Variants in DHX57 observed in about 807,000 individuals in gnomAD.
DHX57 encodes the protein DExH-box helicase 57.
A neutral mutation model predicts 156.2 loss-of-function variants in DHX57; 105 were observed. The ratio of observed to expected loss-of-function variants is 0.67; its 90% CI spans 0.57 to 0.79. The LOEUF is 0.79. DHX57 is among the 30% of genes least tolerant of loss of function. The pLI is 0.00. For synonymous variants in DHX57, 704 were observed against 595.6 expected, an observed-to-expected ratio of 1.18 and a Z score of -2.65; for missense variants, 1,847 against 1,661.9, an observed-to-expected ratio of 1.11 and a Z score of -1.94.
rs768279274 is a variant in DHX57, at chr2:38,856,369, G to A, written c.1680C>T (p.His560=). The A allele has an allele frequency of 5.6e-6, 9 of 1,612,972 alleles. No homozygotes were observed. Among genetic ancestry groups the A allele is most frequent in the Non-Finnish European group, 7.6e-6 (9 of 1,179,778 alleles). Residue 560 remains histidine (H), a synonymous_variant, in exon 7 of 24, where the codon CAC becomes CAT. Coordinates refer to ENST00000457308, the MANE Select transcript of DHX57 (RefSeq NM_198963.3). ...RETILNLLRK[H]QVVVISGMTG... The stretch of plus-strand genomic sequence containing the variant: ...TCATACCACTTATGACAACCACCTG[G>A]TGCTTACGCAATAAGTTAAGAATGG...
At chr2:38,849,537 C>T (rs1222032991) in intron 9 of DHX57, among the ~76,000 whole-genome samples, 4 of 85,714 alleles carry the variant, frequency 4.7e-5, no homozygotes, top group Non-Finnish European at 7.8e-5. Flanking sequence ...TATAGCAAGA[C>T]CCCATCTCTT....
At chr2:38,809,474 T>C (rs1467030686) in intron 21 of DHX57, among the ~76,000 whole-genome samples, 1 of 151,580 alleles carries the variant, frequency 6.6e-6, no homozygotes, top group Non-Finnish European at 1.5e-5. Flanking sequence ...TTTTTCTTTT[T>C]TTTTTTAGAC....
In DHX57 at chr2:38,851,213, A is replaced by G. The variant is rs181727721; in HGVS notation, c.2031-2811T>C. Among the ~76,000 whole-genome samples the G allele has an allele frequency of 3.0e-4, 45 of 152,252 alleles. No individual in the cohort carries two copies. In the East Asian group the frequency reaches 7.5e-3, roughly 25 times the overall value. ...ATATCCCTCTTCTAACTCCCAATAT[A>G]CTCCCAGAAGAAAAGAGACTAAAAT... is the stretch of plus-strand genomic sequence containing the variant. On this transcript the variant is annotated intron_variant, in intron 9 of 23. Coordinates refer to ENST00000457308, the MANE Select transcript of DHX57 (RefSeq NM_198963.3).
chr2:38,818,470 G>C (rs1670653987), intron 19 of DHX57, among the ~76,000 whole-genome samples: 1 of 152,192 alleles, frequency 6.6e-6, no homozygotes, highest in Non-Finnish European at 1.5e-5. Context: ...GAGGATGCAA[G>C]TGAGCCGAGA....
rs770222286 is a variant in DHX57, at chr2:38,861,603, G to T, written c.807C>A (p.Asn269Lys). Residue 269 changes from asparagine (N) to lysine (K), a missense_variant, in exon 5 of 24, where the codon AAC (asparagine) becomes AAA (lysine). Physicochemically the swap from Asn to Lys is moderately conservative, Grantham distance 94 (BLOSUM62 0). Coordinates refer to ENST00000457308, the MANE Select transcript of DHX57 (RefSeq NM_198963.3). ...CGEKFIERIQ[N>K]RVWTIGLELE... The stretch of plus-strand genomic sequence containing the variant: ...GTTCTAACCCAATGGTCCAGACTCT[G>T]TTCTGAATTCTTTCTATAAATTTTT... 2 of 1,614,190 alleles carry T rather than the reference G, an allele frequency of 1.2e-6. No individual in the cohort carries two copies. Among genetic ancestry groups the T allele is most frequent in the South Asian group, 1.1e-5 (1 of 91,078 alleles).
At position 38,856,218 on chromosome 2, in the gene DHX57, G is replaced by A. The variant is rs1049917526; in HGVS notation, c.1709+122C>T. On this transcript the variant is annotated intron_variant, in intron 7 of 23. Transcript: ENST00000457308. ...GGATTTTTTTGCCTTATGTCTCAAGGCAGATGTATATAATATCTATAAATC... is the reference window on the plus strand; with the variant it reads ...GGATTTTTTTGCCTTATGTCTCAAGACAGATGTATATAATATCTATAAATC... 6.5e-6 allele frequency: 9 copies of A among 1,375,272 alleles called. No homozygotes were observed. The African/African-American group carries it at 1.2e-4, about 18-fold the overall frequency. The allele number at this position is 1,375,272 out of a possible 1,614,324, so 85.2% of individuals were successfully genotyped here. A position where few individuals can be genotyped will look rare whatever the true frequency, so the allele number is the denominator to read the frequency against.
intron 16 of DHX57, among the ~76,000 whole-genome samples, chr2:38,824,931 G>A (rs1374403282): frequency 6.6e-6 from 1 of 152,184 alleles, no homozygotes; most frequent in East Asian, 1.9e-4. Flanking sequence ...TTACAGGCAT[G>A]AGCCACCACA....
intron 20 of DHX57, 86 bp downstream of exon 20, chr2:38,815,432 TGAA>T (rs1670488381): frequency 1.3e-6 from 2 of 1,540,650 alleles, no homozygotes; most frequent in South Asian, 2.3e-5. Flanking sequence ...AAGGCTTAAG[TGAA>T]GAAGAATGTC....
intron 13 of DHX57, among the ~76,000 whole-genome samples, chr2:38,830,855 A>T (rs1441558785): frequency 6.6e-6 from 1 of 152,118 alleles, no homozygotes; most frequent in African/African-American, 2.4e-5. Context: ...GCACTTTGAG[A>T]GGCTGAAGTG....
chr2:38,828,475 G>T, intron 13 of DHX57, 39 bp from the exon 14 acceptor site: 3 of 1,444,504 alleles, frequency 2.1e-6, no homozygotes, highest in South Asian at 1.3e-5. Context: ...GGTAAGCATA[G>T]GCACAGAAAA....
chr2:38,853,217 C>G (rs1572693305), intron 9 of DHX57: 1 of 86,272 alleles, frequency 1.2e-5, no homozygotes, highest in East Asian at 4.0e-4. Flanking sequence ...GGCATCACGC[C>G]TGGCTAATTT....
At chr2:38,818,821 C>T in intron 19 of DHX57, 56 bp downstream of exon 19, 1 of 1,581,662 alleles carries the variant, frequency 6.3e-7, no homozygotes, top group Non-Finnish European at 8.7e-7. Flanking sequence ...GTCGCAGCAC[C>T]CTCTGGTGAG....
chr2:38,866,454 T>C (rs551580379), intron 2 of DHX57, among the ~76,000 whole-genome samples: 95 of 152,240 alleles, frequency 6.2e-4, no homozygotes, highest in Non-Finnish European at 1.1e-3. Flanking sequence ...TGATACCTTA[T>C]TAGGGGGGCT....
intron 11 of DHX57, among the ~76,000 whole-genome samples, chr2:38,844,337 A>C (rs62142681): frequency 0.13 from 4,268 of 32,360 alleles, 675 homozygotes; most frequent in South Asian, 0.55. Context: ...ACTTCTAATA[A>C]AGAAATGATT....
At chr2:38,849,377 G>A (rs1330580205) in intron 9 of DHX57, among the ~76,000 whole-genome samples, 2 of 152,122 alleles carry the variant, frequency 1.3e-5, no homozygotes, top group African/African-American at 2.4e-5. Flanking sequence ...CTTGCAATCT[G>A]TTCTCAATAC....
chr2:38,798,094 T>G lies in DHX57; in HGVS notation c.*205A>C, dbSNP rs1669474685. On this transcript the variant is annotated 3_prime_UTR_variant, in exon 24 of 24. Coordinates refer to ENST00000457308, the MANE Select transcript of DHX57 (RefSeq NM_198963.3). ...GGTTTTAGGCTCTCACCCTTGACAC[T>G]CCAAATTGTGCTGGGAGTGGCCAAG... 1 of 507,166 alleles carries G rather than the reference T, an allele frequency of 2.0e-6. No homozygotes were observed. Among genetic ancestry groups the G allele is most frequent in the African/African-American group, 1.9e-5 (1 of 51,932 alleles). The allele number at this position is 507,166 out of a possible 1,614,324, so 31.4% of individuals were successfully genotyped here.
Position 38,875,924 on chromosome 2 carries a change from C to T in DHX57, c.-144G>A. On this transcript the variant is annotated 5_prime_UTR_variant, in exon 1 of 24. Coordinates refer to ENST00000457308, the MANE Select transcript of DHX57 (RefSeq NM_198963.3). The stretch of plus-strand genomic sequence containing the variant: ...TGGCCCAGCTGCAGCGGCACAGTCC[C>T]GGCGCCTTCTGATTGGCTCAGCTAC... 1 of 397,142 alleles carries T rather than the reference C, an allele frequency of 2.5e-6. No homozygotes were observed. The highest frequency in any genetic ancestry group is 4.4e-6 in the Non-Finnish European group (1 of 225,676). 24.6% of individuals were successfully genotyped at this position (397,142 alleles called of 1,614,324 possible). A position where few individuals can be genotyped will look rare whatever the true frequency, so the allele number is the denominator to read the frequency against.
intron 13 of DHX57, among the ~76,000 whole-genome samples, chr2:38,833,782 T>G (rs1450230226): frequency 6.6e-6 from 1 of 152,152 alleles, no homozygotes; most frequent in Non-Finnish European, 1.5e-5. Context: ...GGAAAATTTT[T>G]GGAGATTTGT....
chr2:38,858,049 A>G (rs1672992972), intron 6 of DHX57, among the ~76,000 whole-genome samples: 1 of 151,812 alleles, frequency 6.6e-6, no homozygotes, highest in African/African-American at 2.4e-5. Flanking sequence ...AAACCACAGT[A>G]TTTGTTTTTA....
Sources: allele counts gnomAD v4.1 joint callset (sites outside exome capture counted in the v4.1 genomes callset), GRCh38; gene constraint gnomAD v4.1.1; transcripts MANE v1.5; gene names NCBI Gene and HGNC (gene_info 2026-07-23, HGNC 2026-07-21).